The following DCBLD1 variants were observed in gnomAD, a reference collection of about 807,000 sequenced individuals.
DCBLD1 encodes discoidin, CUB and LCCL domain-containing protein 1.
In DCBLD1, 57 loss-of-function variants were observed where a neutral mutation model predicts 71.5. That is an observed-to-expected ratio of 0.80 (90% CI 0.64 to 0.99). DCBLD1 has a LOEUF of 0.99. DCBLD1 is among the 50% of genes least tolerant of loss of function. DCBLD1 has a pLI of 0.00. For missense variants in DCBLD1, 891 were observed against 923.5 expected (o/e 0.96, Z 0.46); for synonymous variants, 380 against 363.8 (o/e 1.04, Z -0.51).
downstream of DCBLD1, among the ~76,000 whole-genome samples, chr6:117,551,857 C>T (rs773602807): frequency 7.2e-5 from 11 of 152,096 alleles, no homozygotes; most frequent in East Asian, 5.8e-4. Flanking sequence ...AGGCCAGGCA[C>T]GGTGTATCAC....
At chr6:117,562,878 T>C (rs1390137481) in intron 14 of DCBLD1, 7 of 228,318 alleles carry the variant, frequency 3.1e-5, no homozygotes, top group Non-Finnish European at 5.2e-5. Flanking sequence ...ACTTACTCTC[T>C]GTATTTTAAA....
intron 14 of DCBLD1, 68 bp from the exon 15 acceptor site, chr6:117,547,839 C>T (rs1779320901): frequency 6.5e-7 from 1 of 1,548,948 alleles, no homozygotes; most frequent in Non-Finnish European, 8.7e-7. Flanking sequence ...GCAGAGTATC[C>T]CCGTCTGCCA....
intron 14 of DCBLD1, among the ~76,000 whole-genome samples, chr6:117,568,227 T>A (rs1303011189): frequency 1.3e-5 from 2 of 151,856 alleles, no homozygotes; most frequent in Non-Finnish European, 2.9e-5. Context: ...TTACAGATCG[T>A]TTTATGTTAA....
Position 117,538,653 on chromosome 6 carries a change from G to A in DCBLD1, c.794G>A (p.Gly265Glu), listed in dbSNP as rs554020128. The change falls in exon 8 of 15, where the codon GGG becomes GAG. Residue 265 changes from glycine to glutamate, a missense_variant. Gly to Glu is a moderately conservative substitution (Grantham distance 98). Coordinates refer to ENST00000338728, the MANE Select transcript of DCBLD1 (RefSeq NM_001366458.2). ...CSRSLSFEPD[G>E]QIRASSSWQS... is the part of the protein sequence containing the mutation. ...AGATCCTTGAGTTTTGAACCTGACG[G>A]GCAAATCAGAGCTTCTTCCTCATGG... is the stretch of plus-strand genomic sequence containing the variant. The A allele has an allele frequency of 1.9e-6, 3 of 1,613,980 alleles. No homozygotes were observed. The highest frequency in any genetic ancestry group is 2.5e-6 in the Non-Finnish European group (3 of 1,180,014).
At chr6:117,545,362 G>C (rs1360926544) in intron 13 of DCBLD1, 116 bp from the exon 14 acceptor site, 1 of 1,399,130 alleles carries the variant, frequency 7.1e-7, no homozygotes, top group East Asian at 2.3e-5. Context: ...GGAGGACATT[G>C]ATCACTGTCA....
At chr6:117,546,581 T>A (rs538164976) in intron 14 of DCBLD1, among the ~76,000 whole-genome samples, 2 of 152,314 alleles carry the variant, frequency 1.3e-5, no homozygotes, top group South Asian at 4.1e-4. Context: ...CTAATTTCTG[T>A]TGTCTTATGC....
chr6:117,566,195 C>G (rs1587574), intron 14 of DCBLD1, among the ~76,000 whole-genome samples: 36,567 of 151,958 alleles, frequency 0.24, 4,875 homozygotes, highest in East Asian at 0.33. Context: ...AACCAGATAC[C>G]ATCAGTGCAA....
chr6:117,521,760 A>G (rs1011081575), intron 4 of DCBLD1, among the ~76,000 whole-genome samples, 184 bp downstream of exon 4: 1 of 152,236 alleles, frequency 6.6e-6, no homozygotes, highest in Non-Finnish European at 1.5e-5. Context: ...GTCAAGGGGT[A>G]GATAATAAAT....
intron 2 of DCBLD1, among the ~76,000 whole-genome samples, chr6:117,515,797 A>G (rs143447785): frequency 2.0e-5 from 3 of 152,200 alleles, no homozygotes; most frequent in Admixed American, 6.5e-5. Context: ...ACGATTAAAA[A>G]TATTTTATGA....
intron 1 of DCBLD1, among the ~76,000 whole-genome samples, chr6:117,486,362 G>A (rs914151648): frequency 2.0e-5 from 3 of 152,192 alleles, no homozygotes; most frequent in Non-Finnish European, 4.4e-5. Context: ...AACTCTGTAC[G>A]TATTAGAGCA....
At chr6:117,545,277 G>A (rs770448590) in intron 13 of DCBLD1, among the ~76,000 whole-genome samples, 6 of 152,030 alleles carry the variant, frequency 3.9e-5, no homozygotes, top group Non-Finnish European at 5.9e-5. Flanking sequence ...AAGGCACAGC[G>A]GAAAGCATGG....
At chr6:117,492,820 T>TA (rs1777340249) in intron 1 of DCBLD1, among the ~76,000 whole-genome samples, 1 of 152,228 alleles carries the variant, frequency 6.6e-6, no homozygotes, top group Non-Finnish European at 1.5e-5. Context: ...GATTTGCTAT[T>TA]TTCTTGTCAG....
intron 2 of DCBLD1, among the ~76,000 whole-genome samples, chr6:117,512,403 A>T (rs1778052973): frequency 6.6e-6 from 1 of 152,146 alleles, no homozygotes; most frequent in Non-Finnish European, 1.5e-5. Flanking sequence ...TCCCTTTTTT[A>T]TGCTAATTTC....
chr6:117,493,216 G>A (rs1777354711), intron 1 of DCBLD1, among the ~76,000 whole-genome samples: 1 of 152,130 alleles, frequency 6.6e-6, no homozygotes, highest in Admixed American at 6.5e-5. Flanking sequence ...TATCTTACAG[G>A]ATCCAACAGA....
chr6:117,565,543 C>A (rs758886991), intron 14 of DCBLD1, among the ~76,000 whole-genome samples: 2 of 152,042 alleles, frequency 1.3e-5, no homozygotes, highest in Admixed American at 6.6e-5. Context: ...AATATTGGAC[C>A]ATGAAGTTAT....
At chr6:117,567,724 T>C (rs184701384) in intron 14 of DCBLD1, among the ~76,000 whole-genome samples, 2 of 152,044 alleles carry the variant, frequency 1.3e-5, no homozygotes, top group Admixed American at 1.3e-4. Context: ...CTCTTTTACA[T>C]GAACGAGAAA....
downstream of DCBLD1, among the ~76,000 whole-genome samples, chr6:117,553,028 T>C (rs1315982986): frequency 6.6e-6 from 1 of 152,082 alleles, no homozygotes; most frequent in Non-Finnish European, 1.5e-5. Context: ...ACAACATAAT[T>C]CCCCTTGAGA....
intron 6 of DCBLD1, 64 bp downstream of exon 6, chr6:117,532,457 A>G: frequency 1.4e-6 from 2 of 1,476,982 alleles, no homozygotes; most frequent in Non-Finnish European, 9.0e-7. Flanking sequence ...ATAATTAACC[A>G]GCTCACAACT....
chr6:117,545,642 T>C, intron 14 of DCBLD1, 45 bp downstream of exon 14: 1 of 1,582,774 alleles, frequency 6.3e-7, no homozygotes. Flanking sequence ...TTGGAGGTGC[T>C]GCTTGTGGGG....
Sources: allele counts gnomAD v4.1 joint callset (sites outside exome capture counted in the v4.1 genomes callset), GRCh38; gene constraint gnomAD v4.1.1; transcripts MANE v1.5; gene names NCBI Gene and HGNC (gene_info 2026-07-23, HGNC 2026-07-21).